PTPRN2: variants seen among roughly 807,000 people sequenced by gnomAD.
PTPRN2 encodes protein tyrosine phosphatase receptor type N2.
A neutral mutation model predicts 118.8 loss-of-function variants in PTPRN2; 74 were observed. The observed-to-expected ratio is 0.62, with a 90% CI of 0.52 to 0.76. PTPRN2 has a LOEUF of 0.76. Among genes scored for constraint, PTPRN2 ranks in the 30% least tolerant of loss-of-function variants. The probability of loss-of-function intolerance (pLI) is 0.00; values close to 1 mark genes in which losing one functional copy is unlikely to be tolerated. For missense variants in PTPRN2, 1,481 were observed against 1,394.4 expected (o/e 1.06, Z -0.99); for synonymous variants, 641 against 608.0 (o/e 1.05, Z -0.80).
At chr7:157,704,261 G>A (rs747244118) in intron 12 of PTPRN2, among the ~76,000 whole-genome samples, 8 of 152,112 alleles carry the variant, frequency 5.3e-5, no homozygotes, top group African/African-American at 7.2e-5. Context: ...AACTGATCCC[G>A]GGAGCTCTTG....
At chr7:158,324,937 A>G (rs1394816963) in intron 2 of PTPRN2, among the ~76,000 whole-genome samples, 1 of 152,182 alleles carries the variant, frequency 6.6e-6, no homozygotes, top group Non-Finnish European at 1.5e-5. Flanking sequence ...CCTGCCCTAG[A>G]GGATATCCTA....
At chr7:158,415,225 CCAGCGA>C (rs1814557268) in intron 2 of PTPRN2, among the ~76,000 whole-genome samples, 2 of 152,336 alleles carry the variant, frequency 1.3e-5, no homozygotes, top group South Asian at 4.2e-4. Context: ...ACTCTGGGCC[CCAGCGA>C]CAGTATTGGT....
At chr7:158,344,877 C>T (rs35750670) in intron 2 of PTPRN2, among the ~76,000 whole-genome samples, 37,624 of 152,124 alleles carry the variant, frequency 0.25, 4,929 homozygotes, top group Middle Eastern at 0.3. Flanking sequence ...ATCACTGCTT[C>T]CCTGTTGGTT....
At chr7:158,164,688 A>G (rs908666593) in intron 6 of PTPRN2, among the ~76,000 whole-genome samples, 1 of 152,176 alleles carries the variant, frequency 6.6e-6, no homozygotes, top group Admixed American at 6.5e-5. Context: ...TAATGAGGAC[A>G]GAGGTGAATG....
At chr7:158,274,651 C>T (rs528523612) in intron 3 of PTPRN2, among the ~76,000 whole-genome samples, 10 of 152,246 alleles carry the variant, frequency 6.6e-5, no homozygotes, top group South Asian at 4.1e-4. Context: ...GTGGAGGGGC[C>T]GCGTGGCTTC....
intron 12 of PTPRN2, among the ~76,000 whole-genome samples, chr7:157,838,392 T>G (rs1808138397): frequency 6.9e-6 from 1 of 145,200 alleles, no homozygotes; most frequent in African/African-American, 2.7e-5. Context: ...CCGTGGCTAC[T>G]CCAGTTCCTC....
chr7:157,563,645 A>G (rs13308735), intron 21 of PTPRN2, among the ~76,000 whole-genome samples: 3 of 106,178 alleles, frequency 2.8e-5, no homozygotes, highest in Admixed American at 1.0e-4. Flanking sequence ...ACCACACACC[A>G]CAGATCAGGA....
At chr7:157,891,325 A>G (rs537660026) in intron 12 of PTPRN2, among the ~76,000 whole-genome samples, 1 of 152,086 alleles carries the variant, frequency 6.6e-6, no homozygotes, top group Non-Finnish European at 1.5e-5. Context: ...TCAGGGGGAA[A>G]TGAAGCTGGT....
At chr7:158,156,893 C>G (rs1044993185) in intron 6 of PTPRN2, among the ~76,000 whole-genome samples, 1 of 152,234 alleles carries the variant, frequency 6.6e-6, no homozygotes, top group Non-Finnish European at 1.5e-5. Flanking sequence ...GGAGAGCACC[C>G]CTGTTCCATG....
chr7:158,067,102 T>A (rs1245407484), intron 11 of PTPRN2, among the ~76,000 whole-genome samples: 1 of 152,186 alleles, frequency 6.6e-6, no homozygotes, highest in African/African-American at 2.4e-5. Flanking sequence ...TAGTTACTGT[T>A]CAGGTTACTA....
intron 9 of PTPRN2, among the ~76,000 whole-genome samples, chr7:158,121,183 G>A (rs1318520730): frequency 6.6e-6 from 1 of 151,988 alleles, no homozygotes; most frequent in Non-Finnish European, 1.5e-5. Flanking sequence ...CCTTGCCTCA[G>A]CCCCCTGCAC....
At chr7:157,713,739 AT>A (rs2094179578) in intron 12 of PTPRN2, among the ~76,000 whole-genome samples, 1 of 152,188 alleles carries the variant, frequency 6.6e-6, no homozygotes, top group African/African-American at 2.4e-5. Context: ...TCCCTCAGAC[AT>A]TCCCGACAGC....
intron 1 of PTPRN2, among the ~76,000 whole-genome samples, chr7:158,571,021 A>C (rs1323870274): frequency 6.6e-6 from 1 of 152,180 alleles, no homozygotes; most frequent in Non-Finnish European, 1.5e-5. Flanking sequence ...CAGGAGCCGC[A>C]CCGGACACTC....
chr7:157,772,375 A>C (rs1802931400), intron 12 of PTPRN2, among the ~76,000 whole-genome samples: 1 of 152,146 alleles, frequency 6.6e-6, no homozygotes, highest in Non-Finnish European at 1.5e-5. Context: ...AGACACAGAC[A>C]CACACAGATA....
rs1800814662 is a variant in PTPRN2, at chr7:158,300,554, A to ACAGCGCCTCGCCCACCACCCAGTCCCG, written c.277+16264_277+16265insCGGGACTGGGTGGTGGGCGAGGCGCTG. On this transcript the variant is annotated intron_variant, in intron 3 of 22. Coordinates refer to ENST00000389418, the MANE Select transcript of PTPRN2 (RefSeq NM_002847.5). ...AGAAGACACCCCAATCTGCACGCCC[A>ACAGCGCCTCGCCCACCACCCAGTCCCG]CAGCGCCTCGCCCGCCACCCAGTCC... Among the ~76,000 whole-genome samples the ACAGCGCCTCGCCCACCACCCAGTCCCG allele has an allele frequency of 4.8e-5, 7 of 146,746 alleles. No individual in the cohort carries two copies. In the South Asian group the frequency reaches 8.9e-4, roughly 19 times the overall value.
chr7:157,692,810 C>G (rs1184682228), intron 12 of PTPRN2, among the ~76,000 whole-genome samples: 2 of 152,088 alleles, frequency 1.3e-5, no homozygotes, highest in African/African-American at 2.4e-5. Context: ...CTCGTCCCCC[C>G]TGCCCAGGGC....
intron 5 of PTPRN2, among the ~76,000 whole-genome samples, chr7:158,188,219 G>T (rs76741728): frequency 0.1 from 4,632 of 45,438 alleles, 779 homozygotes; most frequent in Admixed American, 0.17. Flanking sequence ...GCCGCCTGAT[G>T]GGGAAGGCCG....
At chr7:158,320,344 C>T (rs1366061675) in intron 2 of PTPRN2, among the ~76,000 whole-genome samples, 1 of 152,208 alleles carries the variant, frequency 6.6e-6, no homozygotes, top group Non-Finnish European at 1.5e-5. Context: ...GCCAAACTGT[C>T]CTCCATGGTG....
In PTPRN2 at chr7:158,547,543, G is replaced by A. The variant is rs563628057; in HGVS notation, c.112+40015C>T. Reference sequence around the variant, plus strand: ...GTTCTCAAGGCGCACCCATGCTGTCGCAGAGGTCAGGGCTCTTTGCGTCTA... The same window carrying A: ...GTTCTCAAGGCGCACCCATGCTGTCACAGAGGTCAGGGCTCTTTGCGTCTA... On this transcript the variant is annotated intron_variant, in intron 1 of 22. Transcript: ENST00000389418. Among the ~76,000 whole-genome samples, 8 of 152,302 alleles carry A rather than the reference G, an allele frequency of 5.3e-5. No homozygotes were observed. The South Asian group carries it at 1.0e-3, about 20-fold the overall frequency.
Sources: gnomAD v4.1 joint callset for allele counts (sites outside exome capture counted in the v4.1 genomes callset) on GRCh38, gnomAD v4.1.1 for gene constraint, MANE v1.5 for transcripts, NCBI Gene and HGNC (gene_info 2026-07-23, HGNC 2026-07-21) for gene names.